Variants in CCSER1 observed in about 807,000 individuals in gnomAD.
The protein encoded by CCSER1 is serine-rich coiled-coil domain-containing protein 1.
Under a neutral mutation model 82.0 loss-of-function variants are expected in CCSER1, and 41 were observed. That is an observed-to-expected ratio of 0.50 (90% CI 0.39 to 0.65). The LOEUF is 0.65. Ranked by LOEUF, CCSER1 falls within the 30% of genes least tolerant of loss-of-function variation. The pLI is 0.00. For synonymous variants in CCSER1, 414 were observed against 383.9 expected, an observed-to-expected ratio of 1.08 and a Z score of -0.92; for missense variants, 1,119 against 1,064.2, an observed-to-expected ratio of 1.05 and a Z score of -0.72.
chr4:91,168,664 G>A (rs376185231), intron 10 of CCSER1, among the ~76,000 whole-genome samples: 13 of 152,074 alleles, frequency 8.5e-5, no homozygotes, highest in Non-Finnish European at 1.6e-4. Flanking sequence ...GCCTCTGCCC[G>A]ACCGCCCCAT....
At chr4:90,321,800 G>A (rs1456160837) in intron 3 of CCSER1, among the ~76,000 whole-genome samples, 2 of 152,016 alleles carry the variant, frequency 1.3e-5, no homozygotes, top group East Asian at 1.9e-4. Context: ...TTTGAGAAAT[G>A]TCTCTTCAGA....
At chr4:91,136,478 C>A (rs756398913) in intron 10 of CCSER1, among the ~76,000 whole-genome samples, 1 of 152,268 alleles carries the variant, frequency 6.6e-6, no homozygotes, top group South Asian at 2.1e-4. Context: ...CTACTCTAAT[C>A]TTTTCCATCT....
chr4:90,383,383 A>G (rs980639091), intron 3 of CCSER1, among the ~76,000 whole-genome samples: 1 of 152,202 alleles, frequency 6.6e-6, no homozygotes, highest in Admixed American at 6.5e-5. Flanking sequence ...AAAAAGAATC[A>G]CAGGCCAATA....
chr4:91,518,851 A>G (rs545000171), intron 10 of CCSER1, among the ~76,000 whole-genome samples: 1 of 152,290 alleles, frequency 6.6e-6, no homozygotes, highest in South Asian at 2.1e-4. Flanking sequence ...GGGTTGGGCA[A>G]CTATTCTGTG....
intron 1 of CCSER1, among the ~76,000 whole-genome samples, chr4:90,156,957 T>C (rs960019180): frequency 3.3e-5 from 5 of 152,246 alleles, no homozygotes; most frequent in African/African-American, 1.2e-4. Flanking sequence ...TCATGCAGTT[T>C]CTTCCTAGCC....
chr4:90,511,701 G>A (rs1216419053), intron 5 of CCSER1, among the ~76,000 whole-genome samples: 2 of 152,322 alleles, frequency 1.3e-5, no homozygotes, highest in East Asian at 1.9e-4. Context: ...ACAATCTGAG[G>A]AGAAAGCAGA....
At chr4:90,403,791 C>A (rs1291943102) in intron 4 of CCSER1, 1 of 151,978 alleles carries the variant, frequency 6.6e-6, no homozygotes, top group South Asian at 2.1e-4. Flanking sequence ...ACTATAATGG[C>A]CAAGATTGAC....
intron 9 of CCSER1, among the ~76,000 whole-genome samples, chr4:91,030,210 A>G (rs114563767): frequency 1.8e-3 from 276 of 152,240 alleles, no homozygotes; most frequent in African/African-American, 6.2e-3. Flanking sequence ...CCAGAAAACC[A>G]CATTATCAAT....
chr4:90,643,704 G>A (rs1726987323), intron 6 of CCSER1, among the ~76,000 whole-genome samples: 1 of 152,088 alleles, frequency 6.6e-6, no homozygotes, highest in Non-Finnish European at 1.5e-5. Flanking sequence ...TTTGCCATTA[G>A]ACAAGCCTGA....
chr4:90,944,257 T>C (rs1239187515), intron 9 of CCSER1, among the ~76,000 whole-genome samples: 1 of 145,822 alleles, frequency 6.9e-6, no homozygotes, highest in Non-Finnish European at 1.5e-5. Flanking sequence ...AATTGAAAAA[T>C]ACCTAGTAGA....
At chr4:90,150,281 A>G (rs539485783) in intron 1 of CCSER1, among the ~76,000 whole-genome samples, 2 of 152,136 alleles carry the variant, frequency 1.3e-5, no homozygotes, top group South Asian at 2.1e-4. Context: ...GTAAAATATC[A>G]TTATTAGTTA....
intron 10 of CCSER1, among the ~76,000 whole-genome samples, chr4:91,148,365 G>C (rs938176177): frequency 4.6e-5 from 7 of 151,986 alleles, no homozygotes; most frequent in Non-Finnish European, 8.8e-5. Context: ...CTCTATTAAT[G>C]AGACAAACGG....
chr4:91,482,403 C>G, intron 10 of CCSER1, among the ~76,000 whole-genome samples: 1 of 47,562 alleles, frequency 2.1e-5, no homozygotes. Flanking sequence ...AGCGAGACTC[C>G]GTCTCAAAAA....
chr4:90,397,667 G>A (rs1158622887), intron 3 of CCSER1, among the ~76,000 whole-genome samples: 3 of 152,096 alleles, frequency 2.0e-5, no homozygotes, highest in Non-Finnish European at 4.4e-5. Flanking sequence ...TCTGGGATGG[G>A]GCTTTGGTCA....
At chr4:90,777,218 G>T (rs1284634306) in intron 7 of CCSER1, among the ~76,000 whole-genome samples, 1 of 151,820 alleles carries the variant, frequency 6.6e-6, no homozygotes, top group Admixed American at 6.6e-5. Flanking sequence ...TCAGCCAGGC[G>T]TGGTGGTGGG....
intron 4 of CCSER1, among the ~76,000 whole-genome samples, chr4:90,436,628 G>T (rs961448967): frequency 6.6e-6 from 1 of 151,944 alleles, no homozygotes; most frequent in Admixed American, 6.6e-5. Context: ...ATAAGAATCC[G>T]ATTTTCTTTT....
At chr4:91,462,400 G>C (rs1477607059) in intron 10 of CCSER1, among the ~76,000 whole-genome samples, 1 of 152,024 alleles carries the variant, frequency 6.6e-6, no homozygotes, top group Non-Finnish European at 1.5e-5. Context: ...GGCCGAATAG[G>C]AACAGCTCTA....
At chr4:90,614,536 A>G (rs1274271410) in intron 5 of CCSER1, among the ~76,000 whole-genome samples, 1 of 152,210 alleles carries the variant, frequency 6.6e-6, no homozygotes, top group Non-Finnish European at 1.5e-5. Flanking sequence ...AAGAAAATAA[A>G]ACAGCCTTGT....
chr4:91,497,468 CCTGTGA>C (rs1758985991), intron 10 of CCSER1, among the ~76,000 whole-genome samples: 1 of 151,440 alleles, frequency 6.6e-6, no homozygotes, highest in Admixed American at 6.6e-5. Flanking sequence ...AACAAAAATT[CCTGTGA>C]TATAGATTAT....
Sources: allele counts gnomAD v4.1 joint callset (sites outside exome capture counted in the v4.1 genomes callset), GRCh38; gene constraint gnomAD v4.1.1; transcripts MANE v1.5; gene names NCBI Gene and HGNC (gene_info 2026-07-23, HGNC 2026-07-21).